Variants in LBH observed in about 807,000 individuals in gnomAD.
LBH encodes protein LBH.
A neutral mutation model predicts 12.5 loss-of-function variants in LBH; 7 were observed. The observed-to-expected ratio is 0.56, with a 90% CI of 0.32 to 1.05. The LOEUF is 1.05. LBH is among the 50% of genes least tolerant of loss of function. The pLI, the probability that LBH is intolerant of heterozygous loss-of-function variation, is 0.04. For missense variants in LBH, 119 were observed against 138.9 expected (o/e 0.86, Z 0.72); for synonymous variants, 51 against 50.1 (o/e 1.02, Z -0.08).
At chr2:30,232,181 A>T in intron 1 of LBH, 1 of 1,345,202 alleles carries the variant, frequency 7.4e-7, no homozygotes, top group Non-Finnish European at 9.8e-7. Context: ...CTCAACGTCG[A>T]GGCCGGCAGC....
chr2:30,232,164 T>A, intron 1 of LBH: 1 of 1,476,816 alleles, frequency 6.8e-7, no homozygotes, highest in Admixed American at 2.1e-5. Context: ...TTTGTTTGCA[T>A]GCAAGTCTCA....
chr2:30,253,342 C>T (rs1678020783), intron 2 of LBH, among the ~76,000 whole-genome samples: 1 of 152,192 alleles, frequency 6.6e-6, no homozygotes, highest in Non-Finnish European at 1.5e-5. Context: ...TGTAAGGAAA[C>T]CAGAAGCTGT....
intron 2 of LBH, among the ~76,000 whole-genome samples, chr2:30,239,220 C>T (rs1211669115): frequency 6.6e-6 from 1 of 152,190 alleles, no homozygotes; most frequent in African/African-American, 2.4e-5. Flanking sequence ...TCTGCTGAGC[C>T]TCTCTTGATG....
At chr2:30,239,553 G>A (rs908896620) in intron 2 of LBH, among the ~76,000 whole-genome samples, 3 of 152,200 alleles carry the variant, frequency 2.0e-5, no homozygotes, top group African/African-American at 7.2e-5. Context: ...AGTAGTCCCT[G>A]GAGAGACATA....
chr2:30,232,120 C>A, intron 1 of LBH: 2 of 1,544,930 alleles, frequency 1.3e-6, no homozygotes, highest in Non-Finnish European at 1.7e-6. Context: ...CGCAGGGGGG[C>A]TCCTGCTCTT....
At chr2:30,236,048 G>A (rs2103555976) in intron 2 of LBH, among the ~76,000 whole-genome samples, 1 of 152,304 alleles carries the variant, frequency 6.6e-6, no homozygotes, top group Admixed American at 6.5e-5. Context: ...CAGTTTCCAA[G>A]CCCCTGAGTC....
chr2:30,248,360 G>C (rs538879268), intron 2 of LBH, among the ~76,000 whole-genome samples: 14 of 152,324 alleles, frequency 9.2e-5, no homozygotes, highest in African/African-American at 2.9e-4. Flanking sequence ...AGGGCTGCAA[G>C]GAAGGCCTTC....
At chr2:30,246,295 C>G (rs1490056181) in intron 2 of LBH, among the ~76,000 whole-genome samples, 2 of 152,170 alleles carry the variant, frequency 1.3e-5, no homozygotes, top group Admixed American at 6.5e-5. Flanking sequence ...TCCAGGCCAA[C>G]TATTCTCAAA....
intron 1 of LBH, 84 bp downstream of exon 1, chr2:30,231,848 G>A (rs1677590701): frequency 1.6e-6 from 2 of 1,283,576 alleles, no homozygotes; most frequent in Non-Finnish European, 2.1e-6. Flanking sequence ...GGCTCCGGGT[G>A]CGAGGGCAGC....
intron 2 of LBH, among the ~76,000 whole-genome samples, chr2:30,241,675 C>A (rs925897415): frequency 6.6e-6 from 1 of 151,978 alleles, no homozygotes; most frequent in Admixed American, 6.6e-5. Context: ...GTTGGCCAGG[C>A]CGGTCTCAAA....
intron 2 of LBH, among the ~76,000 whole-genome samples, chr2:30,249,526 A>G (rs1029430948): frequency 6.6e-6 from 1 of 152,314 alleles, no homozygotes; most frequent in East Asian, 1.9e-4. Flanking sequence ...GAAGAAGAGG[A>G]AGGCCTCTGG....
intron 2 of LBH, among the ~76,000 whole-genome samples, chr2:30,235,383 G>C (rs1012291193): frequency 2.0e-4 from 31 of 152,282 alleles, no homozygotes; most frequent in African/African-American, 7.5e-4. Flanking sequence ...GCCCAGGGAA[G>C]TCGAAAGGGA....
At chr2:30,242,942 A>G (rs1677813997) in intron 2 of LBH, among the ~76,000 whole-genome samples, 1 of 152,252 alleles carries the variant, frequency 6.6e-6, no homozygotes, top group African/African-American at 2.4e-5. Flanking sequence ...ATTCAACATC[A>G]TTAAGCCTTC....
chr2:30,231,707 C>T lies in LBH; in HGVS notation c.-32C>T. The T allele has an allele frequency of 6.3e-7, 1 of 1,587,970 alleles. No homozygotes were observed. The highest frequency in any genetic ancestry group is 8.6e-7 in the Non-Finnish European group (1 of 1,166,256). On this transcript the variant is annotated 5_prime_UTR_variant, in exon 1 of 3. Coordinates refer to ENST00000395323, the MANE Select transcript of LBH (RefSeq NM_030915.4). The stretch of plus-strand genomic sequence containing the variant: ...GGACGCAGGGACCGTTTTTAAATCA[C>T]AGGGGCGTGTGTCAGCCTGCCCTAG...
At position 30,257,914 on chromosome 2, in the gene LBH, A is replaced by T; in HGVS notation, c.*293A>T. The T allele has an allele frequency of 8.0e-6, 2 of 249,654 alleles. No homozygotes were observed. The highest frequency in any genetic ancestry group is 2.4e-5 in the African/African-American group (1 of 42,268). 15.5% of individuals were successfully genotyped at this position (249,654 alleles called of 1,614,324 possible). A position where few individuals can be genotyped will look rare whatever the true frequency, so the allele number is the denominator to read the frequency against. On this transcript the variant is annotated 3_prime_UTR_variant, in exon 3 of 3. Coordinates refer to ENST00000395323, the MANE Select transcript of LBH (RefSeq NM_030915.4). Reference sequence around the variant, plus strand: ...GAGGGGAGCGAGTGCTGTTTTTGAGATCATTATCTGAACTCAGGCAGCCTA... The same window carrying T: ...GAGGGGAGCGAGTGCTGTTTTTGAGTTCATTATCTGAACTCAGGCAGCCTA...
intron 2 of LBH, among the ~76,000 whole-genome samples, chr2:30,241,375 T>C (rs1307741375): frequency 6.6e-6 from 1 of 152,160 alleles, no homozygotes; most frequent in African/African-American, 2.4e-5. Flanking sequence ...ATAAAATATG[T>C]ATTTTATTAT....
chr2:30,251,970 T>G (rs1677987422), intron 2 of LBH, among the ~76,000 whole-genome samples: 1 of 152,078 alleles, frequency 6.6e-6, no homozygotes, highest in Non-Finnish European at 1.5e-5. Flanking sequence ...GTGCTTACTT[T>G]TCTACACAGT....
chr2:30,243,209 T>C lies in LBH; in HGVS notation c.129+8702T>C, dbSNP rs148058868. Among the ~76,000 whole-genome samples the C allele has an allele frequency of 9.8e-5, 15 of 152,348 alleles. No individual in the cohort carries two copies. In the East Asian group the frequency reaches 2.7e-3, roughly 27 times the overall value. On this transcript the variant is annotated intron_variant, in intron 2 of 2. Coordinates refer to ENST00000395323, the MANE Select transcript of LBH (RefSeq NM_030915.4). The stretch of plus-strand genomic sequence containing the variant: ...AACAGTTGATGATGTTCAAGCAACA[T>C]TTAGCCAGCATTGCAAAATAGCTGG...
chr2:30,234,283 GT>G (rs1340573897), intron 1 of LBH, 121 bp from the exon 2 acceptor site: 6 of 788,434 alleles, frequency 7.6e-6, no homozygotes, highest in Non-Finnish European at 1.3e-5. Context: ...TGCAAGTTCT[GT>G]TTTGAACACC....
Sources: allele counts gnomAD v4.1 joint callset (sites outside exome capture counted in the v4.1 genomes callset), GRCh38; gene constraint gnomAD v4.1.1; transcripts MANE v1.5; gene names NCBI Gene and HGNC (gene_info 2026-07-23, HGNC 2026-07-21).